ANO9: variants seen among roughly 807,000 people sequenced by gnomAD.
The protein encoded by ANO9 is anoctamin 9, also known as anoctamin-9.
A neutral mutation model predicts 100.5 loss-of-function variants in ANO9; 80 were observed. The observed-to-expected ratio is 0.80, with a 90% CI of 0.66 to 0.96. The LOEUF (loss-of-function observed/expected upper bound fraction) is 0.96. ANO9 is among the 40% of genes least tolerant of loss of function. The probability of loss-of-function intolerance (pLI) is 0.00; values close to 1 mark genes in which losing one functional copy is unlikely to be tolerated. For missense variants in ANO9, 1,064 were observed against 1,072.7 expected (o/e 0.99, Z 0.11); for synonymous variants, 473 against 435.6 (o/e 1.09, Z -1.07).
rs186156377 is a variant in ANO9 at position 428,299 on chromosome 11, G to T, written c.1222+59C>A. 26 of 1,609,642 alleles carry T rather than the reference G, an allele frequency of 1.6e-5. No homozygotes were observed. In the African/African-American group the frequency reaches 2.8e-4, roughly 17 times the overall value. On this transcript the variant is annotated intron_variant, in intron 14 of 22. Transcript: ENST00000332826. ...CCTGCTCTCTGACCACAGCCCCAAG[G>T]CCCCAGCCCTGAGTCCTCCCGCCGG...
rs543839853 is a variant in ANO9 at position 421,873 on chromosome 11, G to A, written c.1335-675C>T. ...CAAAAGCATTCCTATTGTAGCTCAC[G>A]ACAACTGGTATTTAACACGGTTCTG... On this transcript the variant is annotated intron_variant, in intron 15 of 22. Coordinates refer to ENST00000332826, the MANE Select transcript of ANO9 (RefSeq NM_001012302.3). The surrounding 1 kb of genome is among the most constrained non-coding windows in gnomAD (Gnocchi z 6.8). Among the ~76,000 whole-genome samples the A allele has an allele frequency of 2.0e-5, 3 of 152,224 alleles. No homozygotes were observed. Among genetic ancestry groups the A allele is most frequent in the African/African-American group, 4.8e-5 (2 of 41,446 alleles).
chr11:418,398 G>A lies in ANO9; in HGVS notation c.2322C>T (p.Ile774=). Residue 774 remains isoleucine, a synonymous_variant, in exon 23 of 23, where the codon ATC becomes ATT. Transcript: ENST00000332826. The stretch of plus-strand genomic sequence containing the variant: ...ACACGTCTGTGCTCCTGGCACTGAA[G>A]ATGGATGCTGGGGTGGGATGGGCAG... ...PMPAHPTPAS[I]FSARSTDV 1 of 1,611,948 alleles carries A rather than the reference G, an allele frequency of 6.2e-7. No homozygotes were observed. Among genetic ancestry groups the A allele is most frequent in the Non-Finnish European group, 8.5e-7 (1 of 1,179,544 alleles).
In ANO9 at chr11:441,858, G is replaced by A. The variant is rs948014657; in HGVS notation, c.6+63C>T. On this transcript the variant is annotated intron_variant, in intron 1 of 22. Transcript: ENST00000332826. ...GGCTGGCGGGGGGCTGGGGCCGGGG[G>A]CCCCAGGTGTGGGCGTGGCTGGGGG... 9 of 1,577,442 alleles carry A rather than the reference G, an allele frequency of 5.7e-6. No homozygotes were observed. In the East Asian group the frequency reaches 1.4e-4, roughly 24 times the overall value.
intron 1 of ANO9, among the ~76,000 whole-genome samples, chr11:439,380 C>G (rs1403251401): frequency 8.6e-6 from 1 of 116,412 alleles, no homozygotes; most frequent in African/African-American, 3.7e-5. Context: ...GGGGTCCTGC[C>G]CATCCATCCT....
At chr11:419,044 C>G in intron 20 of ANO9, 55 bp from the exon 21 acceptor site, 1 of 1,609,662 alleles carries the variant, frequency 6.2e-7, no homozygotes, top group Non-Finnish European at 8.5e-7. Flanking sequence ...GCGGCCCCTT[C>G]AGGCCCCAGA....
chr11:433,393 G>A lies in ANO9; in HGVS notation c.271C>T (p.Arg91Cys), dbSNP rs148031221. Reference sequence around the variant, plus strand: ...CCCTCAGGCTCCAGGAGGAGAGTGCGGTACAGGCCAAAGACACTGTTGTCA... The same window carrying A: ...CCCTCAGGCTCCAGGAGGAGAGTGCAGTACAGGCCAAAGACACTGTTGTCA... ...RADNSVFGLY[R>C]TLLLEPEGPA... Residue 91 changes from arginine (R) to cysteine (C), a missense_variant, in exon 4 of 23, where the codon CGC becomes TGC. Physicochemically the swap from Arg to Cys is radical, Grantham distance 180. Transcript: ENST00000332826. 1.3e-3 allele frequency: 2,114 copies of A among 1,613,032 alleles called. 5 individuals carry two copies. Among genetic ancestry groups the A allele is most frequent in the Non-Finnish European group, 1.6e-3 (1,886 of 1,179,886 alleles).
rs777159075 is a variant in ANO9, at chr11:418,770, G to T, written c.2080C>A (p.Gln694Lys). 6.2e-7 allele frequency: 1 copy of T among 1,613,182 alleles called. No individual in the cohort carries two copies. The highest frequency in any genetic ancestry group is 2.2e-5 in the East Asian group (1 of 44,888). ...RNPPDYNFSEQFWFLLAIRLA... is the reference protein window; with the variant it reads ...RNPPDYNFSEKFWFLLAIRLA... ...CGGATGGCCAGGAGGAACCAGAACT[G>T]CTCGGAGAAGTTGTAATCGGGGGGA... The change falls in exon 22 of 23, where the codon CAG becomes AAG. Residue 694 changes from glutamine to lysine, a missense_variant. Transcript: ENST00000332826.
intron 20 of ANO9, 26 bp downstream of exon 20, chr11:419,556 G>C: frequency 6.2e-7 from 1 of 1,610,276 alleles, no homozygotes; most frequent in Non-Finnish European, 8.5e-7. Context: ...TTCTCCCAGG[G>C]GTCTCCAGAC....
chr11:418,695 G>A (rs773834668), intron 22 of ANO9, 25 bp downstream of exon 22: 22 of 1,612,522 alleles, frequency 1.4e-5, no homozygotes, highest in Non-Finnish European at 1.6e-5. Flanking sequence ...GACCCACTCC[G>A]AGGCCTCTCC....
In ANO9 at chr11:432,555, C is replaced by G. The variant is rs374589911; in HGVS notation, c.351-501G>C. The G allele has an allele frequency of 2.5e-3, 410 of 161,470 alleles. No individual in the cohort carries two copies. Among genetic ancestry groups the G allele is most frequent in the African/African-American group, 9.6e-3 (400 of 41,706 alleles). The allele number at this position is 161,470 out of a possible 1,614,324, so 10.0% of individuals were successfully genotyped here. A position where few individuals can be genotyped will look rare whatever the true frequency, so the allele number is the denominator to read the frequency against. On this transcript the variant is annotated intron_variant, in intron 4 of 22. Transcript: ENST00000332826. This position sits in a 1 kb window ranked among gnomAD's most constrained non-coding sequence, Gnocchi z 4.8. ...GGCAGAGCCGGGCTCCCAGCCTCCC[C>G]CTGTGCCTACAGACATGGCTCCTGG...
Position 430,095 on chromosome 11 carries a change from G to T in ANO9, c.759C>A (p.Cys253Ter), listed in dbSNP as rs1345673365. 3 of 1,551,126 alleles carry T rather than the reference G, an allele frequency of 1.9e-6. No homozygotes were observed. Among genetic ancestry groups the T allele is most frequent in the Admixed American group, 3.9e-5 (2 of 51,288 alleles). ...SRRYQRLSET[C>*]TFAKLTHLFD... Reference sequence around the variant, plus strand: ...GGAGGCGACAAACCTTGGCAAAAGTGCAGGTTTCCGAGAGCCGCTGGTACC... The same window carrying T: ...GGAGGCGACAAACCTTGGCAAAAGTTCAGGTTTCCGAGAGCCGCTGGTACC... Residue 253 changes from cysteine (C) to a stop codon, truncating the protein, a stop_gained, in exon 9 of 23, where the codon TGC (cysteine) becomes TGA (stop). Transcript: ENST00000332826. LOFTEE classifies it high-confidence loss of function.
chr11:433,896 T>C lies in ANO9; in HGVS notation c.123A>G (p.Gln41=), dbSNP rs376326016. 121 of 1,563,976 alleles carry C rather than the reference T, an allele frequency of 7.7e-5. No individual in the cohort carries two copies. The highest frequency in any genetic ancestry group is 4.4e-4 in the African/African-American group (33 of 74,424). Residue 41 remains glutamine (Q), a synonymous_variant, in exon 3 of 23, where the codon CAA becomes CAG. Coordinates refer to ENST00000332826, the MANE Select transcript of ANO9 (RefSeq NM_001012302.3). ...SEQWDYVLVA[Q]RHTQRDPRQA... is the part of the protein sequence containing the mutation. ...GCCGGGGGTCTCTCTGGGTGTGACG[T>C]TGGGCCACGAGGACATAGTCCCACT...
chr11:439,622 C>T (rs1029170389), intron 1 of ANO9, among the ~76,000 whole-genome samples: 1 of 114,326 alleles, frequency 8.7e-6, no homozygotes, highest in Middle Eastern at 4.5e-3. Flanking sequence ...AGCCTCTTGG[C>T]CGGTGCCCTG....
intron 15 of ANO9, among the ~76,000 whole-genome samples, chr11:427,283 G>A (rs1039337518): frequency 2.0e-5 from 3 of 152,082 alleles, no homozygotes; most frequent in East Asian, 2.0e-4. Flanking sequence ...CCAGGAAGCA[G>A]AGGTTGTAGC....
rs1848168705 is a variant in ANO9 at position 421,302 on chromosome 11, G to C, written c.1335-104C>G. On this transcript the variant is annotated intron_variant, in intron 15 of 22. Coordinates refer to ENST00000332826, the MANE Select transcript of ANO9 (RefSeq NM_001012302.3). The surrounding 1 kb of genome is among the most constrained non-coding windows in gnomAD (Gnocchi z 6.8). Reference sequence around the variant, plus strand: ...GGTAGGAAAGACACAGAACAGGCGGGGCAGGCCCTGCAGGTGAGCGGGGCA... The same window carrying C: ...GGTAGGAAAGACACAGAACAGGCGGCGCAGGCCCTGCAGGTGAGCGGGGCA... 8 of 1,273,700 alleles carry C rather than the reference G, an allele frequency of 6.3e-6. No individual in the cohort carries two copies. The highest frequency in any genetic ancestry group is 7.3e-6 in the Non-Finnish European group (7 of 955,794). The allele number at this position is 1,273,700 out of a possible 1,614,324, so 78.9% of individuals were successfully genotyped here. A position where few individuals can be genotyped will look rare whatever the true frequency, so the allele number is the denominator to read the frequency against.
At chr11:429,928 A>T in intron 9 of ANO9, 110 bp from the exon 10 acceptor site, 2 of 543,704 alleles carry the variant, frequency 3.7e-6, no homozygotes, top group Non-Finnish European at 5.9e-6. Flanking sequence ...TGGGCTGAGG[A>T]AATGGGCGGG....
intron 1 of ANO9, 85 bp downstream of exon 1, chr11:441,836 T>C: frequency 6.5e-7 from 1 of 1,538,244 alleles, no homozygotes. Context: ...CAGGTGGGGC[T>C]GGCGGGGGGC....
At chr11:440,581 C>A (rs1429363840) in intron 1 of ANO9, 1 of 152,376 alleles carries the variant, frequency 6.6e-6, no homozygotes, top group Non-Finnish European at 1.5e-5. Context: ...TACTGATGTG[C>A]GGACAGCCAG....
intron 7 of ANO9, among the ~76,000 whole-genome samples, chr11:431,271 G>T (rs1477226764): frequency 1.2e-5 from 1 of 85,676 alleles, no homozygotes; most frequent in South Asian, 4.8e-4. Context: ...TGGGTATCTG[G>T]GGGCTTCCGC....
Sources: allele counts gnomAD v4.1 joint callset (sites outside exome capture counted in the v4.1 genomes callset), GRCh38; gene constraint gnomAD v4.1.1; non-coding constraint Gnocchi (gnomAD v3.1); transcripts MANE v1.5; gene names NCBI Gene and HGNC (gene_info 2026-07-23, HGNC 2026-07-21).